Variants in FER1L5 observed in about 807,000 individuals in gnomAD.
FER1L5 encodes fer-1-like protein 5.
A neutral mutation model predicts 279.9 loss-of-function variants in FER1L5; 187 were observed. That is an observed-to-expected ratio of 0.67 (90% CI 0.59 to 0.75). FER1L5 has a LOEUF of 0.75. FER1L5 is among the 30% of genes least tolerant of loss of function. FER1L5 has a pLI of 0.00. For missense variants in FER1L5, 2,091 were observed against 2,594.4 expected (o/e 0.81, Z 4.21); for synonymous variants, 921 against 989.7 (o/e 0.93, Z 1.30).
intron 37 of FER1L5, 142 bp downstream of exon 37, chr2:96,696,219 A>G: frequency 1.0e-6 from 1 of 986,118 alleles, no homozygotes; most frequent in Non-Finnish European, 1.5e-6. Context: ...TCCTCAGCCT[A>G]TAGGGTCTCT....
rs1376107475 is a variant in FER1L5 at position 96,699,560 on chromosome 2, C to T, written c.4621C>T (p.Leu1541Phe). ...LDPIFGMMFE[L>F]TCNIPLEKDL... ...ACACCTCACCCCTAGGATGTTTGAA[C>T]TCACCTGCAACATACCCCTGGAGAA... The change falls in exon 43 of 53, where the codon CTC (leucine) becomes TTC (phenylalanine). Residue 1541 changes from leucine (L) to phenylalanine (F), a missense_variant. By Grantham distance (22) the Leu-to-Phe change is conservative. Coordinates refer to ENST00000624922, the MANE Select transcript of FER1L5 (RefSeq NM_001293083.2). The T allele has an allele frequency of 5.0e-6, 8 of 1,613,504 alleles. No homozygotes were observed. The African/African-American group carries it at 6.7e-5, about 13-fold the overall frequency.
At chr2:96,659,482 T>TTTC (rs2106511909) in intron 9 of FER1L5, among the ~76,000 whole-genome samples, 1 of 33,792 alleles carries the variant, frequency 3.0e-5, no homozygotes, top group East Asian at 7.1e-4. Flanking sequence ...TCTTTCTTTC[T>TTTC]TTCTTTCTTT....
rs1305869397 is a variant in FER1L5 at position 96,703,277 on chromosome 2, C to T, written c.5622C>T (p.Leu1874=). 1.2e-6 allele frequency: 2 copies of T among 1,613,948 alleles called. No homozygotes were observed. Among genetic ancestry groups the T allele is most frequent in the South Asian group, 2.2e-5 (2 of 91,070 alleles). Residue 1874 remains leucine (L), a synonymous_variant, in exon 50 of 53, where the codon CTC becomes CTT. Transcript: ENST00000624922. ...PYFIQYKHFS[L]FKKKTVTGWW... ...TCATCCAATACAAGCACTTCTCCCT[C>T]TTTAAGAAGAAGACTGTGACTGGCT...
chr2:96,644,211 G>T (rs1374059776), intron 1 of FER1L5, among the ~76,000 whole-genome samples: 1 of 151,592 alleles, frequency 6.6e-6, no homozygotes, highest in Non-Finnish European at 1.5e-5. Flanking sequence ...GGGCATGGTG[G>T]CTCACACCTG....
intron 17 of FER1L5, 26 bp from the exon 18 acceptor site, chr2:96,670,093 C>G (rs1206004972): frequency 2.3e-5 from 35 of 1,551,074 alleles, no homozygotes; most frequent in Non-Finnish European, 2.8e-5. Flanking sequence ...CACCCCTTTT[C>G]TCCGTTTTCC....
At position 96,697,694 on chromosome 2, in the gene FER1L5, A is replaced by G; in HGVS notation, c.4169A>G (p.Lys1390Arg). 6.2e-7 allele frequency: 1 copy of G among 1,614,024 alleles called. No individual in the cohort carries two copies. The highest frequency in any genetic ancestry group is 8.5e-7 in the Non-Finnish European group (1 of 1,179,892). The change falls in exon 39 of 53, where the codon AAG (lysine) becomes AGG (arginine). Residue 1390 changes from lysine to arginine, a missense_variant. Physicochemically the swap from Lys to Arg is conservative, Grantham distance 26 (BLOSUM62 2). Coordinates refer to ENST00000624922, the MANE Select transcript of FER1L5 (RefSeq NM_001293083.2). Reference sequence around the variant, plus strand: ...GAGCATGAGGTGGACTGGTGGAGCAAGCTGTTCTGGGCCACAGATGAGCAC... The same window carrying G: ...GAGCATGAGGTGGACTGGTGGAGCAGGCTGTTCTGGGCCACAGATGAGCAC... ...EYEHEVDWWS[K>R]LFWATDEHKS...
intron 45 of FER1L5, 60 bp downstream of exon 45, chr2:96,700,531 G>T: frequency 6.2e-7 from 1 of 1,603,710 alleles, no homozygotes; most frequent in Non-Finnish European, 8.5e-7. Context: ...AGGAGACAGA[G>T]ATGCCTGTCC....
chr2:96,661,771 G>T lies in FER1L5; in HGVS notation c.998G>T (p.Cys333Phe). ...NMAYLQLFIYCAEDLHLKKHQ... is the reference protein window; with the variant it reads ...NMAYLQLFIYFAEDLHLKKHQ... ...GCTTACTTACAGCTCTTCATCTACTGCGCAGAGGACCTTCACCTCAGTTAG... is the reference window on the plus strand; with the variant it reads ...GCTTACTTACAGCTCTTCATCTACTTCGCAGAGGACCTTCACCTCAGTTAG... The change falls in exon 12 of 53, where the codon TGC becomes TTC. Residue 333 changes from cysteine (C) to phenylalanine (F), a missense_variant. Cys to Phe is a radical substitution (Grantham distance 205). Coordinates refer to ENST00000624922, the MANE Select transcript of FER1L5 (RefSeq NM_001293083.2). 1 of 1,551,724 alleles carries T rather than the reference G, an allele frequency of 6.4e-7. No individual in the cohort carries two copies. The highest frequency in any genetic ancestry group is 1.2e-5 in the South Asian group (1 of 84,066).
At chr2:96,667,391 A>G (rs2076163612) in intron 14 of FER1L5, among the ~76,000 whole-genome samples, 1 of 140,888 alleles carries the variant, frequency 7.1e-6, no homozygotes, top group Non-Finnish European at 1.5e-5. Context: ...CTTGTTGCCT[A>G]GGCTGGAGTG....
Position 96,684,371 on chromosome 2 carries a change from G to A in FER1L5, c.1714G>A (p.Val572Met), listed in dbSNP as rs946751824. 27 of 1,551,626 alleles carry A rather than the reference G, an allele frequency of 1.7e-5. No individual in the cohort carries two copies. In the East Asian group the frequency reaches 2.2e-4, roughly 13 times the overall value. The change falls in exon 20 of 53, where the codon GTG becomes ATG. Residue 572 changes from valine to methionine, a missense_variant. Transcript: ENST00000624922. ...GCCCTGGTACAACACCAAGCCTGTC[G>A]TGGCCGTGACCTCCAACTGGGAGGA... ...YVPWYNTKPV[V>M]AVTSNWEDVS...
In FER1L5 at chr2:96,663,500, G is replaced by A. The variant is rs142154282; in HGVS notation, c.1133G>A (p.Arg378Gln). The A allele has an allele frequency of 1.6e-4, 247 of 1,551,528 alleles. No individual in the cohort carries two copies. Among genetic ancestry groups the A allele is most frequent in the Non-Finnish European group, 2.0e-4 (226 of 1,146,928 alleles). ...ATATGGAACCAGATCCTGACCTTCC[G>A]GATTCAGGTATGGCTCCTCCATCAT... ...NPIWNQILTF[R>Q]IQLPCLSSYI... Residue 378 changes from arginine (R) to glutamine (Q), a missense_variant, in exon 14 of 53, where the codon CGG (arginine) becomes CAG (glutamine). Coordinates refer to ENST00000624922, the MANE Select transcript of FER1L5 (RefSeq NM_001293083.2).
intron 13 of FER1L5, among the ~76,000 whole-genome samples, 189 bp downstream of exon 13, chr2:96,662,456 C>A (rs1035691334): frequency 2.0e-5 from 3 of 151,988 alleles, no homozygotes; most frequent in African/African-American, 7.2e-5. Flanking sequence ...TGCCAGATGC[C>A]CCCCAAAAAC....
intron 9 of FER1L5, among the ~76,000 whole-genome samples, chr2:96,658,020 C>CTTT (rs869186919): frequency 1.4e-5 from 2 of 141,880 alleles, no homozygotes; most frequent in Admixed American, 7.1e-5. Flanking sequence ...GTTTAACTTT[C>CTTT]TTTTTTTTTT....
chr2:96,652,132 A>T (rs2075408325), intron 7 of FER1L5, 112 bp downstream of exon 7: 1 of 1,432,272 alleles, frequency 7.0e-7, no homozygotes, highest in Non-Finnish European at 9.5e-7. Flanking sequence ...TTTGTTCCAC[A>T]AGCATTTACT....
chr2:96,686,850 C>T (rs1240738022), intron 23 of FER1L5, among the ~76,000 whole-genome samples: 2 of 127,134 alleles, frequency 1.6e-5, no homozygotes, highest in East Asian at 2.2e-4. Context: ...AGCGAGACTC[C>T]GTCTCAAAAA....
In FER1L5 at chr2:96,689,162, C is replaced by T. The variant is rs974264479; in HGVS notation, c.2362-51C>T. Reference sequence around the variant, plus strand: ...GGGGCCCAGGGGAGGCCCATGTCCCCGCACTTTGTGCTAGAGGAGGCGGCC... The same window carrying T: ...GGGGCCCAGGGGAGGCCCATGTCCCTGCACTTTGTGCTAGAGGAGGCGGCC... On this transcript the variant is annotated intron_variant, in intron 24 of 52. Coordinates refer to ENST00000624922, the MANE Select transcript of FER1L5 (RefSeq NM_001293083.2). This position sits in a 1 kb window ranked among gnomAD's most constrained non-coding sequence, Gnocchi z 4.6. 1.6e-5 allele frequency: 24 copies of T among 1,529,834 alleles called. No individual in the cohort carries two copies. The highest frequency in any genetic ancestry group is 1.9e-5 in the Non-Finnish European group (22 of 1,139,280). 94.8% of individuals were successfully genotyped at this position (1,529,834 alleles called of 1,614,324 possible).
rs765446073 is a variant in FER1L5 at position 96,704,512 on chromosome 2, T to C, written c.5994T>C (p.Tyr1998=). ...MSWIKPQLQL[Y]PPIKIFNIIN... Reference sequence around the variant, plus strand: ...GGATCAAACCTCAACTTCAGCTGTATCCTCCCATTAAAATATTCAATATCA... The same window carrying C: ...GGATCAAACCTCAACTTCAGCTGTACCCTCCCATTAAAATATTCAATATCA... The change falls in exon 53 of 53, where the codon TAT becomes TAC. Residue 1998 remains tyrosine (Y), a synonymous_variant. Transcript: ENST00000624922. 3.7e-6 allele frequency: 6 copies of C among 1,613,824 alleles called. No homozygotes were observed. The highest frequency in any genetic ancestry group is 3.4e-6 in the Non-Finnish European group (4 of 1,179,876).
chr2:96,686,388 A>T, intron 23 of FER1L5, 38 bp downstream of exon 23: 1 of 1,532,964 alleles, frequency 6.5e-7, no homozygotes, highest in Non-Finnish European at 8.8e-7. Flanking sequence ...GACAGGGCTG[A>T]GAAATGCCCC....
At chr2:96,644,711 C>A (rs2075045263) in intron 1 of FER1L5, among the ~76,000 whole-genome samples, 2 of 152,272 alleles carry the variant, frequency 1.3e-5, no homozygotes, top group African/African-American at 4.8e-5. Context: ...TTCTGTGAAA[C>A]TATGCTTGTT....
Sources: allele counts gnomAD v4.1 joint callset (sites outside exome capture counted in the v4.1 genomes callset), GRCh38; gene constraint gnomAD v4.1.1; non-coding constraint Gnocchi (gnomAD v3.1); transcripts MANE v1.5; gene names NCBI Gene and HGNC (gene_info 2026-07-23, HGNC 2026-07-21).